Variants in CDC42BPB observed in about 807,000 individuals in gnomAD.
CDC42BPB encodes CDC42 binding protein kinase beta.
In CDC42BPB, 37 loss-of-function variants were observed where a neutral mutation model predicts 214.9. The ratio of observed to expected loss-of-function variants is 0.17; its 90% confidence interval spans 0.13 to 0.23. The LOEUF is 0.23. CDC42BPB is among the 10% of genes least tolerant of loss of function. The pLI, the probability that CDC42BPB is intolerant of heterozygous loss-of-function variation, is 1.00. For synonymous variants in CDC42BPB, 931 were observed against 884.0 expected (o/e 1.05, Z -0.94); for missense variants, 1,694 against 2,227.0 (o/e 0.76, Z 4.82).
chr14:103,041,373 C>T, intron 1 of CDC42BPB: 1 of 516,266 alleles, frequency 1.9e-6, no homozygotes, highest in Non-Finnish European at 3.4e-6. Context: ...AACTTTGTGA[C>T]CTTGCACTGC....
chr14:103,013,465 G>A (rs1330232727), intron 1 of CDC42BPB, among the ~76,000 whole-genome samples: 1 of 152,188 alleles, frequency 6.6e-6, no homozygotes, highest in East Asian at 1.9e-4. Flanking sequence ...ACTGTACTGG[G>A]CTGGATAGTG....
chr14:102,933,787 G>A lies in CDC42BPB; in HGVS notation c.5061C>T (p.Gly1687=). Residue 1687 remains glycine, a synonymous_variant, in exon 37 of 37, where the codon GGC becomes GGT. Coordinates refer to ENST00000361246, the MANE Select transcript of CDC42BPB (RefSeq NM_006035.4). The part of the protein sequence containing the change: ...STPSNSSNPS[G]PPSPNSPHRS... ...TGTGGGGGGAGTTGGGGCTCGGTGG[G>A]CCGCTGGGGTTGGAGCTATTCGATG... 6.7e-7 allele frequency: 1 copy of A among 1,500,888 alleles called. No individual in the cohort carries two copies. The highest frequency in any genetic ancestry group is 8.8e-7 in the Non-Finnish European group (1 of 1,137,786). The allele number at this position is 1,500,888 out of a possible 1,614,324, so 93.0% of individuals were successfully genotyped here.
At chr14:102,967,265 G>A (rs947897227) in intron 16 of CDC42BPB, 95 bp from the exon 17 acceptor site, 208 of 1,467,364 alleles carry the variant, frequency 1.4e-4, no homozygotes, top group Non-Finnish European at 1.4e-4. Context: ...GACTCTGAAA[G>A]TTTTCTTTAA....
chr14:102,983,171 AC>A (rs1482782380), intron 7 of CDC42BPB, among the ~76,000 whole-genome samples: 1 of 152,138 alleles, frequency 6.6e-6, no homozygotes, highest in African/African-American at 2.4e-5. Context: ...CAAAGGGCCC[AC>A]CTGGACCTCC....
At position 103,001,763 on chromosome 14, in the gene CDC42BPB, C is replaced by T. The variant is rs1261312456; in HGVS notation, c.448-2050G>A. The stretch of plus-strand genomic sequence containing the variant: ...TGCGGTGAACGAACGGCCAGGCCCT[C>T]GGGCCCCTAAGGAAGGCCGTGGGGT... On this transcript the variant is annotated intron_variant, in intron 4 of 36. Coordinates refer to ENST00000361246, the MANE Select transcript of CDC42BPB (RefSeq NM_006035.4). This position sits in a 1 kb window ranked among gnomAD's most constrained non-coding sequence, Gnocchi z 5.8. Among the ~76,000 whole-genome samples, 2 of 152,144 alleles carry T rather than the reference C, an allele frequency of 1.3e-5. No individual in the cohort carries two copies. The highest frequency in any genetic ancestry group is 2.9e-5 in the Non-Finnish European group (2 of 68,018).
Position 102,954,633 on chromosome 14 carries a change from G to A in CDC42BPB, c.2957C>T (p.Ser986Leu), listed in dbSNP as rs1158789055. The change falls in exon 22 of 37, where the codon TCG (serine) becomes TTG (leucine). Residue 986 changes from serine (S) to leucine (L), a missense_variant. By Grantham distance (145) the Ser-to-Leu change is moderately radical. This residue lies in a region of CDC42BPB where 156 missense variants were observed against 154.5 expected (regional missense o/e 1.01). Coordinates refer to ENST00000361246, the MANE Select transcript of CDC42BPB (RefSeq NM_006035.4). The stretch of plus-strand genomic sequence containing the variant: ...CTGCTCTGATGCAGCCACAGACATC[G>A]ACGGGGACGCTTCTGGCTTCGGAGC... ...TQAPKPEASPSMSVAASEQQE... is the reference protein window; with the variant it reads ...TQAPKPEASPLMSVAASEQQE... The A allele has an allele frequency of 5.6e-6, 9 of 1,613,940 alleles. No individual in the cohort carries two copies. The highest frequency in any genetic ancestry group is 3.3e-5 in the South Asian group (3 of 91,046).
chr14:103,051,193 A>G (rs1888588972), intron 1 of CDC42BPB, among the ~76,000 whole-genome samples: 1 of 150,700 alleles, frequency 6.6e-6, no homozygotes, highest in South Asian at 2.1e-4. Context: ...TCACATTGCC[A>G]AAACACTTCT....
At position 102,999,706 on chromosome 14, in the gene CDC42BPB, A is replaced by G. The variant is rs1894893081; in HGVS notation, c.455T>C (p.Val152Ala). The G allele has an allele frequency of 6.2e-7, 1 of 1,614,128 alleles. No individual in the cohort carries two copies. Among genetic ancestry groups the G allele is most frequent in the Admixed American group, 1.7e-5 (1 of 60,024 alleles). The part of the protein sequence containing the change: ...AFQDENHLYL[V>A]MDYYVGGDLL... ...ATCACCACCCACATAGTAATCCATG[A>G]CTAAGTACTACAAATTGGAAAGAGA... Residue 152 changes from valine to alanine, a missense_variant, in exon 5 of 37, where the codon GTC (valine) becomes GCC (alanine). By Grantham distance (64) the Val-to-Ala change is moderately conservative. Transcript: ENST00000361246.
chr14:102,981,028 G>A lies in CDC42BPB; in HGVS notation c.892-7C>T, dbSNP rs184044735. 1.2e-6 allele frequency: 2 copies of A among 1,613,966 alleles called. No homozygotes were observed. The highest frequency in any genetic ancestry group is 4.5e-5 in the East Asian group (2 of 44,890). On this transcript the variant is annotated splice_region_variant and splice_polypyrimidine_tract_variant and intron_variant, in intron 7 of 36. Coordinates refer to ENST00000361246, the MANE Select transcript of CDC42BPB (RefSeq NM_006035.4). The stretch of plus-strand genomic sequence containing the variant: ...ATGGGAACTGGAATCGCTCCTGCAA[G>A]GGGTGGCAAAAACACCGGTGGACAG...
chr14:103,043,318 A>G (rs947275250), intron 1 of CDC42BPB, among the ~76,000 whole-genome samples: 1 of 152,218 alleles, frequency 6.6e-6, no homozygotes, highest in Non-Finnish European at 1.5e-5. Context: ...GATAAACAAA[A>G]TGAGAGCTGT....
intron 4 of CDC42BPB, among the ~76,000 whole-genome samples, chr14:103,000,859 G>A (rs767755325): frequency 1.3e-4 from 20 of 152,172 alleles, no homozygotes; most frequent in Non-Finnish European, 2.2e-4. Context: ...CGACACGGGA[G>A]GCTTGGGGAT....
intron 20 of CDC42BPB, among the ~76,000 whole-genome samples, chr14:102,961,061 G>C (rs984858973): frequency 6.6e-6 from 1 of 152,076 alleles, no homozygotes; most frequent in Admixed American, 6.6e-5. Flanking sequence ...CAGCTACTCA[G>C]GGGGCTGAGG....
intron 1 of CDC42BPB, among the ~76,000 whole-genome samples, chr14:103,023,852 C>T (rs976633160): frequency 3.3e-5 from 5 of 152,092 alleles, no homozygotes; most frequent in African/African-American, 7.2e-5. Flanking sequence ...TTTAAGATCA[C>T]GCACAGATCA....
chr14:102,963,873 G>A (rs1893066913), intron 19 of CDC42BPB, among the ~76,000 whole-genome samples: 2 of 152,222 alleles, frequency 1.3e-5, no homozygotes, highest in African/African-American at 2.4e-5. Flanking sequence ...TGGTAATTCT[G>A]TTAGAGACAC....
At chr14:102,979,534 C>CT (rs1893906973) in intron 8 of CDC42BPB, among the ~76,000 whole-genome samples, 1 of 152,082 alleles carries the variant, frequency 6.6e-6, no homozygotes, top group African/African-American at 2.4e-5. Flanking sequence ...TTCCATGACC[C>CT]TACAAGGGGT....
chr14:102,957,009 T>C (rs1292669888), intron 21 of CDC42BPB, among the ~76,000 whole-genome samples: 3 of 104,698 alleles, frequency 2.9e-5, no homozygotes, highest in African/African-American at 1.2e-4. Context: ...TGAAACCCCA[T>C]CTCTACTAAA....
intron 30 of CDC42BPB, among the ~76,000 whole-genome samples, chr14:102,942,212 C>T (rs1028095458): frequency 6.8e-6 from 1 of 148,128 alleles, no homozygotes; most frequent in Non-Finnish European, 1.5e-5. Context: ...CGCAGGCCCA[C>T]GGCCCAGCCC....
At chr14:103,012,326 G>C in intron 1 of CDC42BPB, 138 bp from the exon 2 acceptor site, 1 of 1,445,484 alleles carries the variant, frequency 6.9e-7, no homozygotes, top group Non-Finnish European at 9.1e-7. Context: ...ACATGTTTTG[G>C]AAAGTGAGCA....
At chr14:102,945,022 C>T (rs573629801) in intron 29 of CDC42BPB, among the ~76,000 whole-genome samples, 4 of 152,342 alleles carry the variant, frequency 2.6e-5, no homozygotes, top group African/African-American at 4.8e-5. Context: ...CGCCCTCACA[C>T]GGCCCCCAGG....
Sources: allele counts gnomAD v4.1 joint callset (sites outside exome capture counted in the v4.1 genomes callset), GRCh38; gene constraint gnomAD v4.1.1; regional missense constraint gnomAD v4.1.1; non-coding constraint Gnocchi (gnomAD v3.1); transcripts MANE v1.5; gene names NCBI Gene and HGNC (gene_info 2026-07-23, HGNC 2026-07-21).